The following MAP3K14 variants were observed in gnomAD, a reference collection of about 807,000 sequenced individuals.
MAP3K14 encodes NF-kappa-beta-inducing kinase.
In MAP3K14, 16 loss-of-function variants were observed where a neutral mutation model predicts 99.2. The ratio of observed to expected loss-of-function variants is 0.16; its 90% CI spans 0.11 to 0.24. The LOEUF (loss-of-function observed/expected upper bound fraction) is 0.24. Among genes scored for constraint, MAP3K14 ranks in the 10% least tolerant of loss-of-function variants. The pLI, the probability that MAP3K14 is intolerant of heterozygous loss-of-function variation, is 1.00. For missense variants in MAP3K14, 784 were observed against 1,208.7 expected (o/e 0.65, Z 5.21); for synonymous variants, 462 against 492.4 (o/e 0.94, Z 0.82).
At position 45,272,655 on chromosome 17, in the gene MAP3K14, T is replaced by C. The variant is rs562244965; in HGVS notation, c.1657+848A>G. Reference sequence around the variant, plus strand: ...AAGGAGTTATTTAAAATATTCATGATTCGGCCGGGCACGGAGGCTCATGCC... The same window carrying C: ...AAGGAGTTATTTAAAATATTCATGACTCGGCCGGGCACGGAGGCTCATGCC... On this transcript the variant is annotated intron_variant, in intron 9 of 15. Coordinates refer to ENST00000344686, the MANE Select transcript of MAP3K14 (RefSeq NM_003954.5). This position sits in a 1 kb window ranked among gnomAD's most constrained non-coding sequence, Gnocchi z 4.1. Among the ~76,000 whole-genome samples the C allele has an allele frequency of 6.6e-6, 1 of 152,206 alleles. No individual in the cohort carries two copies. Among genetic ancestry groups the C allele is most frequent in the East Asian group, 1.9e-4 (1 of 5,164 alleles).
intron 1 of MAP3K14, among the ~76,000 whole-genome samples, chr17:45,304,106 G>A (rs12938138): frequency 0.042 from 6,026 of 144,834 alleles, 184 homozygotes; most frequent in East Asian, 0.14. Context: ...TCCGTCTCCC[G>A]AGTTCAAGTG....
chr17:45,302,057 T>C (rs2044392529), intron 1 of MAP3K14, among the ~76,000 whole-genome samples: 1 of 152,028 alleles, frequency 6.6e-6, no homozygotes, highest in Non-Finnish European at 1.5e-5. Flanking sequence ...TCTTGAACTC[T>C]TGAGCTCATG....
At chr17:45,302,591 A>G (rs2044398897) in intron 1 of MAP3K14, among the ~76,000 whole-genome samples, 1 of 152,236 alleles carries the variant, frequency 6.6e-6, no homozygotes, top group Admixed American at 6.5e-5. Context: ...TACAGGCATG[A>G]GCCACTGTGC....
At chr17:45,281,751 T>C (rs1481078387) in intron 6 of MAP3K14, 1 of 145,826 alleles carries the variant, frequency 6.9e-6, no homozygotes, top group East Asian at 2.0e-4. Flanking sequence ...TTCAAGCAAT[T>C]CTCTGCCTCA....
At chr17:45,284,349 G>A (rs920533542) in intron 6 of MAP3K14, among the ~76,000 whole-genome samples, 5 of 152,214 alleles carry the variant, frequency 3.3e-5, no homozygotes, top group Non-Finnish European at 7.3e-5. Context: ...AGGGGGCACA[G>A]CTCCGACTCT....
intron 1 of MAP3K14, among the ~76,000 whole-genome samples, chr17:45,298,052 C>T (rs1218291075): frequency 1.3e-5 from 2 of 152,108 alleles, no homozygotes; most frequent in South Asian, 2.1e-4. Context: ...AAAATCTAGA[C>T]ACCAACAATA....
chr17:45,308,138 C>T (rs192071130), intron 1 of MAP3K14, among the ~76,000 whole-genome samples: 2 of 152,362 alleles, frequency 1.3e-5, no homozygotes, highest in Admixed American at 1.3e-4. Flanking sequence ...AAACAGCCCA[C>T]GGCTCTCTCG....
At chr17:45,273,720 G>T in intron 8 of MAP3K14, 113 bp from the exon 9 acceptor site, 1 of 778,704 alleles carries the variant, frequency 1.3e-6, no homozygotes, top group Non-Finnish European at 2.3e-6. Context: ...CTGACCCTAC[G>T]TGGCAGCTGC....
At chr17:45,304,555 G>A (rs1359526958) in intron 1 of MAP3K14, among the ~76,000 whole-genome samples, 1 of 152,180 alleles carries the variant, frequency 6.6e-6, no homozygotes, top group Non-Finnish European at 1.5e-5. Context: ...GAAGTAGATA[G>A]CATCAGATAG....
At position 45,272,352 on chromosome 17, in the gene MAP3K14, G is replaced by C. The variant is rs1010767935; in HGVS notation, c.1658-1131C>G. On this transcript the variant is annotated intron_variant, in intron 9 of 15. Transcript: ENST00000344686. The surrounding 1 kb of genome is among the most constrained non-coding windows in gnomAD (Gnocchi z 4.1). ...AAAAAATAAAAGTTAAAAAGAATCA[G>C]AAAAGATACATTTTTTTTTGTAACA... Among the ~76,000 whole-genome samples, 2 of 150,544 alleles carry C rather than the reference G, an allele frequency of 1.3e-5. No homozygotes were observed. Among genetic ancestry groups the C allele is most frequent in the African/African-American group, 4.8e-5 (2 of 41,262 alleles).
At chr17:45,279,127 T>G in intron 6 of MAP3K14, among the ~76,000 whole-genome samples, 1 of 152,196 alleles carries the variant, frequency 6.6e-6, no homozygotes, top group East Asian at 1.9e-4. Context: ...CCTCTTGTTT[T>G]CTTTGGTATT....
At chr17:45,306,818 A>AT (rs1229402114) in intron 1 of MAP3K14, among the ~76,000 whole-genome samples, 6 of 152,236 alleles carry the variant, frequency 3.9e-5, no homozygotes, top group Non-Finnish European at 7.3e-5. Context: ...CAAATAGAAA[A>AT]GACGCCACAG....
rs767804591 is a variant in MAP3K14, at chr17:45,267,073, G to A, written c.2433+19C>T. ...ACCACACCCCTGGAGCCATGGCTCC[G>A]GGGCCACAACCGACTCACCTTCTCA... On this transcript the variant is annotated intron_variant, in intron 13 of 15. Transcript: ENST00000344686. The surrounding 1 kb of genome is among the most constrained non-coding windows in gnomAD (Gnocchi z 5.1). The A allele has an allele frequency of 5.3e-5, 81 of 1,538,042 alleles. No individual in the cohort carries two copies. Among genetic ancestry groups the A allele is most frequent in the Admixed American group, 5.2e-4 (27 of 52,170 alleles).
rs1187171377 is a variant in MAP3K14, at chr17:45,292,568, G to GA, written c.-20-1804dup. On this transcript the variant is annotated intron_variant, in intron 1 of 15. Coordinates refer to ENST00000344686, the MANE Select transcript of MAP3K14 (RefSeq NM_003954.5). ...ACAGAATAAGACCCTGTCTCTAAAAGAAAAAAAAAGTCTAAGGGGTGTTCT... is the reference window on the plus strand; with the variant it reads ...ACAGAATAAGACCCTGTCTCTAAAAGAAAAAAAAAAGTCTAAGGGGTGTTCT... Among the ~76,000 whole-genome samples the GA allele has an allele frequency of 2.0e-5, 3 of 150,556 alleles. No individual in the cohort carries two copies. The East Asian group carries it at 5.8e-4, about 29-fold the overall frequency.
At chr17:45,273,462 T>C (rs2044155054) in intron 9 of MAP3K14, 41 bp downstream of exon 9, 4 of 1,444,768 alleles carry the variant, frequency 2.8e-6, no homozygotes, top group Admixed American at 1.8e-5. Flanking sequence ...ATTTGGCGAA[T>C]GAATGCATTG....
chr17:45,293,218 A>G (rs889909732), intron 1 of MAP3K14, among the ~76,000 whole-genome samples: 1 of 152,226 alleles, frequency 6.6e-6, no homozygotes, highest in Admixed American at 6.5e-5. Context: ...AATGAGAAAA[A>G]TGAGGCCAGG....
intron 8 of MAP3K14, 65 bp from the exon 9 acceptor site, chr17:45,273,672 C>G (rs11574826): frequency 0.021 from 27,426 of 1,298,344 alleles, 944 homozygotes; most frequent in East Asian, 0.14. Flanking sequence ...CCCACCCTGG[C>G]TCGGTTTGGC....
chr17:45,315,365 A>G (rs986346172), intron 1 of MAP3K14, among the ~76,000 whole-genome samples: 25 of 152,170 alleles, frequency 1.6e-4, no homozygotes, highest in African/African-American at 5.8e-4. Flanking sequence ...TTGCTGTCTG[A>G]TTTCACAAAG....
At position 45,267,781 on chromosome 17, in the gene MAP3K14, G is replaced by A; in HGVS notation, c.1973-22C>T. On this transcript the variant is annotated intron_variant, in intron 11 of 15. Coordinates refer to ENST00000344686, the MANE Select transcript of MAP3K14 (RefSeq NM_003954.5). This position sits in a 1 kb window ranked among gnomAD's most constrained non-coding sequence, Gnocchi z 5.1. ...CCCACTAGAAAACAGAGAGTACAAT[G>A]GTGAGGGGAAGCGTGCTGTGCACAG... 6.3e-7 allele frequency: 1 copy of A among 1,588,952 alleles called. No individual in the cohort carries two copies.
Sources: gnomAD v4.1 joint callset for allele counts (sites outside exome capture counted in the v4.1 genomes callset) on GRCh38, gnomAD v4.1.1 for gene constraint, Gnocchi (gnomAD v3.1) non-coding constraint, MANE v1.5 for transcripts, NCBI Gene and HGNC (gene_info 2026-07-23, HGNC 2026-07-21) for gene names.